OR7D2: variants seen among roughly 807,000 people sequenced by gnomAD.
OR7D2 encodes olfactory receptor 7D2.
For synonymous variants in OR7D2, 158 were observed against 158.7 expected (o/e 1.00, Z 0.03); for missense variants, 370 against 384.1 (o/e 0.96, Z 0.31).
chr19:9,179,535 C>G (rs1271924561), intron 1 of OR7D2, among the ~76,000 whole-genome samples: 1 of 139,342 alleles, frequency 7.2e-6, no homozygotes, highest in African/African-American at 2.7e-5. Context: ...GTGAGTGAGA[C>G]GCTGTCTCAA....
chr19:9,184,976 T>G (rs562916507), intron 2 of OR7D2, among the ~76,000 whole-genome samples: 3 of 130,018 alleles, frequency 2.3e-5, no homozygotes, highest in African/African-American at 1.1e-4. Context: ...GGAATATTTT[T>G]TTTAAAGTCA....
chr19:9,185,914 A>T lies in OR7D2; in HGVS notation c.133A>T (p.Ile45Phe). 6.2e-7 allele frequency: 1 copy of T among 1,614,000 alleles called. No homozygotes were observed. The highest frequency in any genetic ancestry group is 8.5e-7 in the Non-Finnish European group (1 of 1,179,974). The change falls in exon 3 of 3, where the codon ATC becomes TTC. Residue 45 changes from isoleucine to phenylalanine, a missense_variant. Physicochemically the swap from Ile to Phe is conservative, Grantham distance 21 (BLOSUM62 0). Transcript: ENST00000641288. ...YLVTVLGNLL[I>F]ILAISSDSHL... Reference sequence around the variant, plus strand: ...GGTGACGGTGCTGGGAAACCTGCTCATCATCCTGGCCATCAGCTCTGACTC... The same window carrying T: ...GGTGACGGTGCTGGGAAACCTGCTCTTCATCCTGGCCATCAGCTCTGACTC...
At chr19:9,184,143 C>T (rs1021474792) in intron 2 of OR7D2, among the ~76,000 whole-genome samples, 18 of 151,984 alleles carry the variant, frequency 1.2e-4, no homozygotes, top group African/African-American at 3.6e-4. Flanking sequence ...CCTGTAATCC[C>T]CAGCACTTTG....
At chr19:9,179,304 C>G (rs1600240423) in intron 1 of OR7D2, among the ~76,000 whole-genome samples, 181 bp downstream of exon 1, 1 of 152,138 alleles carries the variant, frequency 6.6e-6, no homozygotes, top group Non-Finnish European at 1.5e-5. Flanking sequence ...TTTTGGGAGG[C>G]TGAGGCAGGC....
rs1327896874 is a variant in OR7D2, at chr19:9,187,617, G to C, written c.*897G>C. On this transcript the variant is annotated 3_prime_UTR_variant, in exon 3 of 3. Coordinates refer to ENST00000641288, the MANE Select transcript of OR7D2 (RefSeq NM_175883.4). ...TGTACCCGTCACCCAAGTGGTAGTA[G>C]TCTCTTATTCCTCACCCCCCTCCCA... 6.0e-6 allele frequency: 1 copy of C among 166,946 alleles called. No individual in the cohort carries two copies. The highest frequency in any genetic ancestry group is 1.9e-4 in the East Asian group (1 of 5,186). The allele number at this position is 166,946 out of a possible 1,614,324, so 10.3% of individuals were successfully genotyped here.
At chr19:9,180,002 TA>T (rs111281985) in intron 1 of OR7D2, among the ~76,000 whole-genome samples, 501 of 145,442 alleles carry the variant, frequency 3.4e-3, no homozygotes, top group Non-Finnish European at 5.1e-3. Flanking sequence ...AAACTCCGTC[TA>T]AAAAAAAAAA....
intron 2 of OR7D2, among the ~76,000 whole-genome samples, chr19:9,184,130 A>ACGCC (rs1353401320): frequency 6.6e-6 from 1 of 151,830 alleles, no homozygotes; most frequent in African/African-American, 2.4e-5. Flanking sequence ...GTGGTGGCTT[A>ACGCC]CGCCTGTAAT....
chr19:9,184,480 AAAG>A (rs1326618374), intron 2 of OR7D2, among the ~76,000 whole-genome samples: 5 of 151,886 alleles, frequency 3.3e-5, no homozygotes, highest in South Asian at 2.1e-4. Flanking sequence ...ATAAAATCAA[AAAG>A]AAGAAATTTA....
intron 2 of OR7D2, 73 bp from the exon 3 acceptor site, chr19:9,185,696 A>G (rs2051025086): frequency 8.8e-6 from 8 of 911,128 alleles, no homozygotes; most frequent in Non-Finnish European, 1.3e-5. Flanking sequence ...TGATCCTTCC[A>G]TCTCAGCCTC....
intron 2 of OR7D2, among the ~76,000 whole-genome samples, chr19:9,181,373 A>G (rs2050988182): frequency 6.6e-6 from 1 of 151,090 alleles, no homozygotes; most frequent in Non-Finnish European, 1.5e-5. Flanking sequence ...AGCAAAAGAA[A>G]GACTCAAGTC....
At position 9,186,574 on chromosome 19, in the gene OR7D2, ACT is replaced by A. The variant is rs2051037351; in HGVS notation, c.795_796del (p.His266LeufsTer69). ...GIGVHFTSAV[T>X]HSSQKISVAS... ...TGGGGTCCACTTCACTTCTGCGGTG[ACT>A]CACTCTTCCCAGAAAATCTCCGTGG... is the stretch of plus-strand genomic sequence containing the variant. On this transcript the variant is annotated frameshift_variant, in exon 3 of 3. Coordinates refer to ENST00000641288, the MANE Select transcript of OR7D2 (RefSeq NM_175883.4). LOFTEE classifies it low-confidence loss of function (END_TRUNC). The A allele has an allele frequency of 1.9e-6, 3 of 1,613,510 alleles. No homozygotes were observed. The highest frequency in any genetic ancestry group is 1.1e-5 in the South Asian group (1 of 91,010).
At chr19:9,184,490 TTTAAAATAAAAGAAA>T (rs2051015897) in intron 2 of OR7D2, among the ~76,000 whole-genome samples, 1 of 140,470 alleles carries the variant, frequency 7.1e-6, no homozygotes, top group African/African-American at 3.3e-5. Flanking sequence ...AAAGAAGAAA[TTTAAAATAAAAGAAA>T]TTTAAAATAA....
chr19:9,182,892 CA>C, intron 2 of OR7D2: 1 of 358,766 alleles, frequency 2.8e-6, no homozygotes, highest in South Asian at 3.7e-5. Context: ...TCGTTCTCAG[CA>C]AATTGACCTG....
intron 2 of OR7D2, among the ~76,000 whole-genome samples, chr19:9,181,296 C>T (rs73008031): frequency 0.29 from 43,498 of 149,166 alleles, 6,527 homozygotes; most frequent in Non-Finnish European, 0.32. Context: ...ATTTACAGAG[C>T]TCATTTATAT....
At chr19:9,181,135 G>T (rs1311933028) in intron 2 of OR7D2, among the ~76,000 whole-genome samples, 2 of 151,362 alleles carry the variant, frequency 1.3e-5, no homozygotes, top group Non-Finnish European at 2.9e-5. Flanking sequence ...AAAAAAAATT[G>T]TTTCACATAA....
rs1236239333 is a variant in OR7D2, at chr19:9,186,334, C to T, written c.553C>T (p.Leu185Phe). The change falls in exon 3 of 3, where the codon CTC (leucine) becomes TTC (phenylalanine). Residue 185 changes from leucine to phenylalanine, a missense_variant. Physicochemically the swap from Leu to Phe is conservative, Grantham distance 22. Transcript: ENST00000641288. ...PHFFCELTYI[L>F]QLACSDTFLN... ...TTTTTTCTGCGAACTGACGTACATCCTCCAGCTGGCCTGCTCTGATACCTT... is the reference window on the plus strand; with the variant it reads ...TTTTTTCTGCGAACTGACGTACATCTTCCAGCTGGCCTGCTCTGATACCTT... 1 of 1,614,000 alleles carries T rather than the reference C, an allele frequency of 6.2e-7. No homozygotes were observed. Among genetic ancestry groups the T allele is most frequent in the Non-Finnish European group, 8.5e-7 (1 of 1,179,982 alleles).
chr19:9,182,082 A>T (rs2050993540), intron 2 of OR7D2, among the ~76,000 whole-genome samples: 1 of 152,144 alleles, frequency 6.6e-6, no homozygotes, highest in African/African-American at 2.4e-5. Context: ...TAACTATGAG[A>T]TATTTCCTCA....
chr19:9,179,553 A>G (rs1335383642), intron 1 of OR7D2, among the ~76,000 whole-genome samples: 2 of 151,770 alleles, frequency 1.3e-5, no homozygotes, highest in Non-Finnish European at 2.9e-5. Flanking sequence ...CAAAAAAAAA[A>G]AAAGATTCTA....
rs1435137640 is a variant in OR7D2 at position 9,186,850 on chromosome 19, A to C, written c.*130A>C. 2 of 675,390 alleles carry C rather than the reference A, an allele frequency of 3.0e-6. No homozygotes were observed. Among genetic ancestry groups the C allele is most frequent in the Non-Finnish European group, 4.9e-6 (2 of 408,620 alleles). The allele number at this position is 675,390 out of a possible 1,614,324, so 41.8% of individuals were successfully genotyped here. A position where few individuals can be genotyped will look rare whatever the true frequency, so the allele number is the denominator to read the frequency against. ...TTGAGAGTACAAATGCAGATTTCTTAACATGCATTTGCATAAGGGTGAAGT... is the reference window on the plus strand; with the variant it reads ...TTGAGAGTACAAATGCAGATTTCTTCACATGCATTTGCATAAGGGTGAAGT... On this transcript the variant is annotated 3_prime_UTR_variant, in exon 3 of 3. Transcript: ENST00000641288.
Sources: gnomAD v4.1 joint callset for allele counts (sites outside exome capture counted in the v4.1 genomes callset) on GRCh38, gnomAD v4.1.1 for gene constraint, MANE v1.5 for transcripts, NCBI Gene and HGNC (gene_info 2026-07-23, HGNC 2026-07-21) for gene names.